Variants in KLHDC4 observed in about 807,000 individuals in gnomAD.
KLHDC4 encodes kelch domain-containing protein 4.
Under a neutral mutation model 62.4 loss-of-function variants are expected in KLHDC4, and 90 were observed. The observed-to-expected ratio is 1.44, with a 90% CI of 1.22 to 1.72. The LOEUF (loss-of-function observed/expected upper bound fraction) is 1.72, where lower values mean the gene tolerates loss of function less well. Ranked by LOEUF, KLHDC4 falls within the 40% of genes most tolerant of loss-of-function variation. KLHDC4 has a pLI of 0.00. For missense variants in KLHDC4, 1,025 were observed against 699.7 expected (o/e 1.47, Z -5.25); for synonymous variants, 386 against 284.4 (o/e 1.36, Z -3.59).
At chr16:87,714,602 CG>C in intron 7 of KLHDC4, 29 bp from the exon 8 acceptor site, 1 of 1,612,158 alleles carries the variant, frequency 6.2e-7, no homozygotes, top group Non-Finnish European at 8.5e-7. Flanking sequence ...GTGTGAGAAC[CG>C]GGGGCAGCTA....
intron 2 of KLHDC4, among the ~76,000 whole-genome samples, chr16:87,760,475 C>T (rs1313549835): frequency 1.3e-5 from 2 of 151,322 alleles, no homozygotes; most frequent in African/African-American, 2.4e-5. Flanking sequence ...GGCTTGGTGG[C>T]GGGTGCCTGT....
chr16:87,709,548 C>A lies in KLHDC4; in HGVS notation c.1164G>T (p.Val388=), dbSNP rs777226383. 1 of 1,612,816 alleles carries A rather than the reference C, an allele frequency of 6.2e-7. No homozygotes were observed. The highest frequency in any genetic ancestry group is 1.1e-5 in the South Asian group (1 of 91,086). ...TGACCACGGTGCCATCCTCGGCCAC[C>A]ACCTCCTTGACCAGCTGCACAGGCC... ...TQGPVQLVKE[V]VAEDGTVVTI... is the part of the protein sequence containing the mutation. Residue 388 remains valine (V), a synonymous_variant, in exon 10 of 12, where the codon GTG becomes GTT. Coordinates refer to ENST00000270583, the MANE Select transcript of KLHDC4 (RefSeq NM_017566.4).
intron 8 of KLHDC4, among the ~76,000 whole-genome samples, chr16:87,714,092 GC>G (rs2142962616): frequency 6.6e-6 from 1 of 152,208 alleles, no homozygotes; most frequent in African/African-American, 2.4e-5. Context: ...CAAGAGCGAG[GC>G]CCGTCACCAC....
chr16:87,730,301 T>A (rs1345530867), intron 6 of KLHDC4, among the ~76,000 whole-genome samples: 1 of 152,338 alleles, frequency 6.6e-6, no homozygotes, highest in South Asian at 2.1e-4. Flanking sequence ...CAGGACCTGG[T>A]GTAAAATTAA....
intron 5 of KLHDC4, among the ~76,000 whole-genome samples, chr16:87,738,197 G>A (rs1156511285): frequency 2.6e-5 from 4 of 152,158 alleles, no homozygotes; most frequent in Non-Finnish European, 1.5e-5. Context: ...ACTCGTTGCG[G>A]TCCTTCACTA....
At chr16:87,729,504 AG>A (rs915239465) in intron 6 of KLHDC4, 1 of 152,294 alleles carries the variant, frequency 6.6e-6, no homozygotes, top group Non-Finnish European at 1.5e-5. Context: ...CACTTCACTC[AG>A]AACACAACTG....
chr16:87,733,502 G>A (rs2040760692), intron 5 of KLHDC4, among the ~76,000 whole-genome samples: 1 of 152,210 alleles, frequency 6.6e-6, no homozygotes, highest in African/African-American at 2.4e-5. Flanking sequence ...ATCTCCTAGA[G>A]CCGCAGGCAC....
At chr16:87,727,110 G>A (rs868740162) in intron 6 of KLHDC4, among the ~76,000 whole-genome samples, 186 bp from the exon 7 acceptor site, 7 of 152,136 alleles carry the variant, frequency 4.6e-5, no homozygotes, top group Non-Finnish European at 8.8e-5. Context: ...TCCCTGCAAC[G>A]AGCCAGAGAC....
chr16:87,758,279 C>A (rs2045308586), intron 2 of KLHDC4, among the ~76,000 whole-genome samples: 1 of 152,334 alleles, frequency 6.6e-6, no homozygotes, highest in Admixed American at 6.5e-5. Context: ...TACGGCCTCA[C>A]AAAAGCCAAA....
intron 1 of KLHDC4, among the ~76,000 whole-genome samples, chr16:87,762,738 G>A (rs746888358): frequency 6.6e-6 from 1 of 151,986 alleles, no homozygotes; most frequent in Non-Finnish European, 1.5e-5. Flanking sequence ...CAGCACAGAG[G>A]GCAGCACTGG....
chr16:87,760,393 G>A (rs995739399), intron 2 of KLHDC4, among the ~76,000 whole-genome samples: 4 of 150,212 alleles, frequency 2.7e-5, no homozygotes, highest in Non-Finnish European at 5.9e-5. Context: ...GGATCACGAG[G>A]TCAGAAGATC....
intron 4 of KLHDC4, among the ~76,000 whole-genome samples, chr16:87,749,346 G>T (rs1006028175): frequency 6.6e-6 from 1 of 152,008 alleles, no homozygotes; most frequent in Non-Finnish European, 1.5e-5. Context: ...ACGAGATCAA[G>T]AAATAGAGAC....
intron 5 of KLHDC4, among the ~76,000 whole-genome samples, chr16:87,734,529 C>A (rs2040940246): frequency 6.6e-6 from 1 of 152,174 alleles, no homozygotes; most frequent in African/African-American, 2.4e-5. Flanking sequence ...CGGGATCCCA[C>A]CAGCTTCTCT....
At chr16:87,760,500 G>C (rs2045703446) in intron 2 of KLHDC4, among the ~76,000 whole-genome samples, 1 of 150,874 alleles carries the variant, frequency 6.6e-6, no homozygotes, top group Non-Finnish European at 1.5e-5. Context: ...CCAGCTACTT[G>C]GCAGGCTGAG....
At chr16:87,753,242 G>A (rs1305194176) in intron 4 of KLHDC4, among the ~76,000 whole-genome samples, 1 of 152,224 alleles carries the variant, frequency 6.6e-6, no homozygotes, top group Non-Finnish European at 1.5e-5. Flanking sequence ...GGGAGGGTGA[G>A]ACCAAGGAAC....
intron 4 of KLHDC4, among the ~76,000 whole-genome samples, chr16:87,754,696 C>T (rs2044578437): frequency 6.6e-6 from 1 of 152,200 alleles, no homozygotes; most frequent in Non-Finnish European, 1.5e-5. Flanking sequence ...ACGTCTAACT[C>T]CGGAAGCCCC....
downstream of KLHDC4, among the ~76,000 whole-genome samples, chr16:87,702,821 C>A (rs1347663404): frequency 6.6e-6 from 1 of 152,202 alleles, no homozygotes; most frequent in African/African-American, 2.4e-5. Flanking sequence ...ATACTGTGTA[C>A]AATCACGCCG....
intron 7 of KLHDC4, among the ~76,000 whole-genome samples, chr16:87,719,254 G>C (rs945284755): frequency 1.3e-5 from 2 of 152,262 alleles, no homozygotes; most frequent in African/African-American, 4.8e-5. Context: ...AAAAGAAAGA[G>C]AGATCAGATT....
chr16:87,709,778 G>T, intron 9 of KLHDC4, 111 bp from the exon 10 acceptor site: 1 of 1,297,760 alleles, frequency 7.7e-7, no homozygotes, highest in Non-Finnish European at 1.0e-6. Context: ...ACAAGCGTGG[G>T]GAGTGTGTGA....
Sources: allele counts gnomAD v4.1 joint callset (sites outside exome capture counted in the v4.1 genomes callset), GRCh38; gene constraint gnomAD v4.1.1; transcripts MANE v1.5; gene names NCBI Gene and HGNC (gene_info 2026-07-23, HGNC 2026-07-21).